The following NR2C2 variants were observed in gnomAD, a reference collection of about 807,000 sequenced individuals.
The protein encoded by NR2C2 is Nuclear hormone receptor TR4.
A neutral mutation model predicts 62.9 loss-of-function variants in NR2C2; 6 were observed. That is an observed-to-expected ratio of 0.10 (90% CI 0.05 to 0.19). The LOEUF (loss-of-function observed/expected upper bound fraction) is 0.19, where lower values mean the gene tolerates loss of function less well. Among genes scored for constraint, NR2C2 ranks in the 10% least tolerant of loss-of-function variants. The pLI is 1.00. For synonymous variants in NR2C2, 272 were observed against 273.8 expected (o/e 0.99, Z 0.07); for missense variants, 479 against 762.7 (o/e 0.63, Z 4.38).
chr3:14,957,728 T>C (rs2039567912), intron 1 of NR2C2, among the ~76,000 whole-genome samples: 1 of 152,184 alleles, frequency 6.6e-6, no homozygotes, highest in African/African-American at 2.4e-5. Flanking sequence ...CTCTAGACTT[T>C]ACTATTGCTA....
intron 12 of NR2C2, 24 bp from the exon 13 acceptor site, chr3:15,039,098 G>GGT (rs747505094): frequency 1.2e-5 from 19 of 1,558,284 alleles, no homozygotes; most frequent in Non-Finnish European, 1.7e-5. Flanking sequence ...AGGGAACTGG[G>GGT]GGGGGGTACT....
intron 1 of NR2C2, among the ~76,000 whole-genome samples, chr3:14,955,124 C>T (rs2039484710): frequency 1.3e-5 from 2 of 152,288 alleles, no homozygotes; most frequent in South Asian, 4.1e-4. Context: ...AGCCACCGAG[C>T]CTGGCTGGTT....
At chr3:15,007,667 G>A (rs767428745) in intron 2 of NR2C2, among the ~76,000 whole-genome samples, 1 of 152,170 alleles carries the variant, frequency 6.6e-6, no homozygotes. Flanking sequence ...AGGAATGAAT[G>A]AAAGAATGAG....
At chr3:14,958,337 G>A (rs1038545456) in intron 1 of NR2C2, among the ~76,000 whole-genome samples, 1 of 151,266 alleles carries the variant, frequency 6.6e-6, no homozygotes, top group African/African-American at 2.4e-5. Flanking sequence ...ATCTTCTGTA[G>A]CACTTTTTTT....
In NR2C2 at chr3:15,023,473, A is replaced by G. The variant is rs923041715; in HGVS notation, c.704+126A>G. 24 of 1,071,168 alleles carry G rather than the reference A, an allele frequency of 2.2e-5. No individual in the cohort carries two copies. The African/African-American group carries it at 3.6e-4, about 16-fold the overall frequency. 66.4% of individuals were successfully genotyped at this position (1,071,168 alleles called of 1,614,324 possible). A position where few individuals can be genotyped will look rare whatever the true frequency, so the allele number is the denominator to read the frequency against. The stretch of plus-strand genomic sequence containing the variant: ...ATAGCCTCCAGCGTTGTGTTGCCTA[A>G]TTCTGCCCCTTCTGGAGCTGCTCAG... On this transcript the variant is annotated intron_variant, in intron 6 of 13. Coordinates refer to ENST00000425241, the MANE Select transcript of NR2C2 (RefSeq NM_001291694.2).
Position 15,045,549 on chromosome 3 carries a change from CT to C in NR2C2, c.*2544del, listed in dbSNP as rs34001454. 11,169 of 152,724 alleles carry C rather than the reference CT, an allele frequency of 0.073. 544 individuals are homozygous for C. The highest frequency in any genetic ancestry group is 0.12 in the Non-Finnish European group (7,842 of 68,034). 9.5% of individuals were successfully genotyped at this position (152,724 alleles called of 1,614,324 possible). Reference sequence around the variant, plus strand: ...GGTTTCTGAGATCCTCTTGGCCTTACTTTGAAGTGGCCTTTTCTTTAAGGAT... The same window carrying C: ...GGTTTCTGAGATCCTCTTGGCCTTACTTGAAGTGGCCTTTTCTTTAAGGAT... On this transcript the variant is annotated 3_prime_UTR_variant, in exon 14 of 14. Transcript: ENST00000425241.
intron 1 of NR2C2, among the ~76,000 whole-genome samples, chr3:14,971,142 A>G (rs2040022750): frequency 1.3e-5 from 2 of 152,064 alleles, no homozygotes; most frequent in Non-Finnish European, 2.9e-5. Flanking sequence ...TTTTTGAGGC[A>G]GAGTCTTGCT....
intron 5 of NR2C2, 113 bp from the exon 6 acceptor site, chr3:15,023,087 G>A: frequency 8.5e-7 from 1 of 1,175,026 alleles, no homozygotes; most frequent in Non-Finnish European, 1.2e-6. Context: ...TGAGCTAGAT[G>A]AACCTAGCAC....
At chr3:14,951,816 C>T (rs1336902050) in intron 1 of NR2C2, among the ~76,000 whole-genome samples, 3 of 151,858 alleles carry the variant, frequency 2.0e-5, no homozygotes, top group East Asian at 1.9e-4. Flanking sequence ...GGTGCGATCT[C>T]GGCTCACTGC....
At chr3:14,949,444 G>C (rs2039276040) in intron 1 of NR2C2, among the ~76,000 whole-genome samples, 1 of 152,220 alleles carries the variant, frequency 6.6e-6, no homozygotes, top group Admixed American at 6.5e-5. Flanking sequence ...GTTGGAACTA[G>C]TAATTGTCCA....
At chr3:15,035,099 C>T (rs1264828260) in intron 11 of NR2C2, among the ~76,000 whole-genome samples, 2 of 152,108 alleles carry the variant, frequency 1.3e-5, no homozygotes, top group Admixed American at 6.5e-5. Context: ...TGAGACCAGT[C>T]TGGGCAACAT....
In NR2C2 at chr3:15,044,874, G is replaced by A. The variant is rs917970648; in HGVS notation, c.*1866G>A. 1 of 152,232 alleles carries A rather than the reference G, an allele frequency of 6.6e-6. No individual in the cohort carries two copies. Among genetic ancestry groups the A allele is most frequent in the Non-Finnish European group, 1.5e-5 (1 of 68,038 alleles). 9.4% of individuals were successfully genotyped at this position (152,232 alleles called of 1,614,324 possible). On this transcript the variant is annotated 3_prime_UTR_variant, in exon 14 of 14. Coordinates refer to ENST00000425241, the MANE Select transcript of NR2C2 (RefSeq NM_001291694.2). ...CACTTTACGCAAGTCAGTGTTAGTA[G>A]GGTAAGTGGGAACAGTGTTTCCAAC... is the stretch of plus-strand genomic sequence containing the variant.
intron 1 of NR2C2, among the ~76,000 whole-genome samples, chr3:14,966,585 C>T (rs534671677): frequency 6.6e-6 from 1 of 152,170 alleles, no homozygotes; most frequent in Admixed American, 6.5e-5. Flanking sequence ...GAGAACCTGT[C>T]TCTAAAATAA....
chr3:14,991,938 G>A (rs1265197152), intron 1 of NR2C2, among the ~76,000 whole-genome samples: 1 of 151,272 alleles, frequency 6.6e-6, no homozygotes, highest in African/African-American at 2.4e-5. Context: ...CCTGGATAAT[G>A]TTTTTAATTT....
In NR2C2 at chr3:15,047,422, C is replaced by T. The variant is rs1460181848; in HGVS notation, c.*4414C>T. Reference sequence around the variant, plus strand: ...AGACAGTTTATCTTAATATCCAAAACTAAGTGGGAATTTTTAACCTTTTCA... The same window carrying T: ...AGACAGTTTATCTTAATATCCAAAATTAAGTGGGAATTTTTAACCTTTTCA... On this transcript the variant is annotated 3_prime_UTR_variant, in exon 14 of 14. Transcript: ENST00000425241. 2 of 152,182 alleles carry T rather than the reference C, an allele frequency of 1.3e-5. No homozygotes were observed. Among genetic ancestry groups the T allele is most frequent in the African/African-American group, 4.8e-5 (2 of 41,458 alleles). 9.4% of individuals were successfully genotyped at this position (152,182 alleles called of 1,614,324 possible).
intron 10 of NR2C2, among the ~76,000 whole-genome samples, chr3:15,032,982 GC>G (rs2042018234): frequency 6.7e-6 from 1 of 148,150 alleles, no homozygotes; most frequent in African/African-American, 2.5e-5. Flanking sequence ...CCCTTTTCTT[GC>G]TTTCTTGAGT....
intron 2 of NR2C2, among the ~76,000 whole-genome samples, chr3:15,011,782 C>T (rs1022582595): frequency 6.6e-6 from 1 of 152,196 alleles, no homozygotes; most frequent in Non-Finnish European, 1.5e-5. Flanking sequence ...TGCCGTGTAG[C>T]ACACTTTGCC....
intron 13 of NR2C2, 151 bp downstream of exon 13, chr3:15,039,378 G>GT (rs1290351355): frequency 2.8e-5 from 18 of 635,952 alleles, no homozygotes; most frequent in Non-Finnish European, 4.5e-5. Flanking sequence ...AGTTTTCTTT[G>GT]TTTTTTCCAA....
At chr3:15,019,789 C>A (rs1456674901) in intron 4 of NR2C2, among the ~76,000 whole-genome samples, 1 of 152,042 alleles carries the variant, frequency 6.6e-6, no homozygotes, top group Non-Finnish European at 1.5e-5. Flanking sequence ...GAAAGACTGA[C>A]CAACTGGTAC....
Sources: gnomAD v4.1 joint callset for allele counts (sites outside exome capture counted in the v4.1 genomes callset) on GRCh38, gnomAD v4.1.1 for gene constraint, MANE v1.5 for transcripts, NCBI Gene and HGNC (gene_info 2026-07-23, HGNC 2026-07-21) for gene names.